The following SKIC8 variants were observed in gnomAD, a reference collection of about 807,000 sequenced individuals.
The protein encoded by SKIC8 is superkiller complex protein 8.
At chr15:78,293,636 G>A in the SKIC8 span, among the ~76,000 whole-genome samples, 6 of 152,132 alleles carry the variant, frequency 3.9e-5, no homozygotes, top group Admixed American at 6.5e-5. Flanking sequence ...GCCTAAACCC[G>A]GTAACAGATA....
At chr15:78,293,969 C>T in the SKIC8 span, among the ~76,000 whole-genome samples, 1 of 152,184 alleles carries the variant, frequency 6.6e-6, no homozygotes, top group Non-Finnish European at 1.5e-5. Context: ...GATGTAAAAA[C>T]GTGACAAGTG....
the SKIC8 span, chr15:78,295,106 C>CGGAT: frequency 9.7e-7 from 1 of 1,031,456 alleles, no homozygotes. Context: ...TCAACCTGGC[C>CGGAT]ATCCCGCAAG....
chr15:78,297,523 A>C, the SKIC8 span, among the ~76,000 whole-genome samples: 1 of 152,232 alleles, frequency 6.6e-6, no homozygotes, highest in Non-Finnish European at 1.5e-5. Flanking sequence ...TATATATGTG[A>C]TCTAGAAGCA....
At chr15:78,295,524 C>A in the SKIC8 span, 1 of 912,290 alleles carries the variant, frequency 1.1e-6, no homozygotes. Context: ...CCACCTAACA[C>A]TGTGGTGACT....
the SKIC8 span, chr15:78,295,626 A>T: frequency 6.2e-7 from 1 of 1,611,618 alleles, no homozygotes; most frequent in East Asian, 2.2e-5. Context: ...CTGGACTTGA[A>T]CTTGGCAAAG....
the SKIC8 span, among the ~76,000 whole-genome samples, chr15:78,293,535 A>C: frequency 6.6e-6 from 1 of 152,180 alleles, no homozygotes; most frequent in African/African-American, 2.4e-5. Flanking sequence ...TTCTTTTAGC[A>C]TGCTATCTGG....
chr15:78,292,975 T>C, the SKIC8 span: 2 of 929,422 alleles, frequency 2.2e-6, no homozygotes, highest in East Asian at 5.3e-5. Context: ...GATTTTTTTT[T>C]TTTAACTTTA....
chr15:78,298,090 T>C, the SKIC8 span, among the ~76,000 whole-genome samples: 134 of 152,254 alleles, frequency 8.8e-4, 1 homozygote, highest in East Asian at 3.5e-3. Context: ...CTGCCCAGGG[T>C]AGGAAAGACA....
chr15:78,295,407 T>C, the SKIC8 span: 1 of 545,786 alleles, frequency 1.8e-6, no homozygotes, highest in Non-Finnish European at 3.3e-6. Context: ...TGATCTTTTT[T>C]TTTTTTTTTT....
the SKIC8 span, chr15:78,283,730 C>G: frequency 3.3e-6 from 1 of 307,368 alleles, no homozygotes; most frequent in African/African-American, 2.4e-5. Flanking sequence ...TCCCATACTC[C>G]AAAAAAAAAA....
the SKIC8 span, chr15:78,290,042 T>C: frequency 6.2e-7 from 1 of 1,614,160 alleles, no homozygotes; most frequent in Non-Finnish European, 8.5e-7. Context: ...TTTCCCGACA[T>C]GAGTTCCTGT....
At chr15:78,284,197 G>A in the SKIC8 span, 2 of 152,204 alleles carry the variant, frequency 1.3e-5, no homozygotes, top group African/African-American at 4.8e-5. Context: ...TGATTTTAGT[G>A]TTGGGATTGG....
the SKIC8 span, among the ~76,000 whole-genome samples, chr15:78,297,910 T>C: frequency 1.3e-5 from 2 of 152,184 alleles, no homozygotes; most frequent in Non-Finnish European, 2.9e-5. Context: ...AGATCTCAAA[T>C]TGGTAGTGTT....
the SKIC8 span, chr15:78,283,420 A>G: frequency 5.6e-6 from 9 of 1,605,060 alleles, no homozygotes; most frequent in Non-Finnish European, 6.0e-6. Flanking sequence ...ATAAGCCTGG[A>G]GACTTTGATG....
chr15:78,289,740 G>C, the SKIC8 span: 1 of 1,599,318 alleles, frequency 6.3e-7, no homozygotes, highest in Non-Finnish European at 8.6e-7. Flanking sequence ...GGAGAAATTA[G>C]CACTTTCAGA....
chr15:78,283,381 A>G, the SKIC8 span: 5 of 1,456,148 alleles, frequency 3.4e-6, no homozygotes, highest in Admixed American at 1.8e-5. Context: ...AAGGAATGTC[A>G]TGATCAATCC....
the SKIC8 span, among the ~76,000 whole-genome samples, chr15:78,287,556 ACATG>A: frequency 5.7e-4 from 87 of 152,320 alleles, 1 homozygote; most frequent in South Asian, 7.7e-3. Flanking sequence ...TGTGATATGT[ACATG>A]CAGTGGATTA....
At chr15:78,293,748 C>G in the SKIC8 span, among the ~76,000 whole-genome samples, 1 of 152,158 alleles carries the variant, frequency 6.6e-6, no homozygotes, top group Admixed American at 6.5e-5. Context: ...GTTGCCTTTC[C>G]CCACAAGTAT....
the SKIC8 span, chr15:78,292,563 T>C: frequency 1.2e-6 from 2 of 1,611,696 alleles, no homozygotes; most frequent in African/African-American, 1.3e-5. Context: ...CCTAAAGATT[T>C]TGGAAAAGAA....
Sources: allele counts gnomAD v4.1 joint callset (sites outside exome capture counted in the v4.1 genomes callset), GRCh38; gene constraint gnomAD v4.1.1; transcripts MANE v1.5; gene names NCBI Gene and HGNC (gene_info 2026-07-23, HGNC 2026-07-21).